The following OOSP4A variants were observed in gnomAD, a reference collection of about 807,000 sequenced individuals.
OOSP4A encodes oocyte-secreted protein 4A.
intron 3 of OOSP4A, 115 bp downstream of exon 3, chr11:59,967,279 T>C (rs547422360): frequency 2.5e-6 from 1 of 392,866 alleles, no homozygotes; most frequent in South Asian, 1.4e-4. Context: ...GGATCAAATC[T>C]GATCTATGGT....
In OOSP4A at chr11:59,965,492, C is replaced by T. The variant is rs111373645; in HGVS notation, c.68-43C>T. 2.4e-3 allele frequency: 966 copies of T among 398,164 alleles called. 11 individuals are homozygous for T. The highest frequency in any genetic ancestry group is 0.016 in the African/African-American group (793 of 48,720). The allele number at this position is 398,164 out of a possible 1,614,324, so 24.7% of individuals were successfully genotyped here. On this transcript the variant is annotated intron_variant, in intron 1 of 4. Transcript: ENST00000645590. Reference sequence around the variant, plus strand: ...CCTGAGTTCTTTGTTTGGGGGCAGACGTACTATTTGATGTTTTCCCTTTTT... The same window carrying T: ...CCTGAGTTCTTTGTTTGGGGGCAGATGTACTATTTGATGTTTTCCCTTTTT...
chr11:59,969,755 G>A (rs1281738468), intron 4 of OOSP4A, among the ~76,000 whole-genome samples: 6 of 152,100 alleles, frequency 3.9e-5, no homozygotes, highest in Admixed American at 3.3e-4. Flanking sequence ...CTTATTCCAC[G>A]TATCAACCGA....
chr11:59,967,033 T>A (rs1160277997), intron 2 of OOSP4A, 34 bp from the exon 3 acceptor site: 4 of 397,392 alleles, frequency 1.0e-5, no homozygotes, highest in Non-Finnish European at 1.8e-5. Context: ...GAAAGAGATA[T>A]AATTAAGATA....
At chr11:59,964,484 G>T (rs1051519057) in intron 1 of OOSP4A, among the ~76,000 whole-genome samples, 4 of 152,082 alleles carry the variant, frequency 2.6e-5, no homozygotes, top group Non-Finnish European at 4.4e-5. Flanking sequence ...ATTTCTGGCC[G>T]TGGGGTATGA....
intron 2 of OOSP4A, 72 bp from the exon 3 acceptor site, chr11:59,966,995 A>G: frequency 2.5e-6 from 1 of 395,118 alleles, no homozygotes; most frequent in Non-Finnish European, 4.5e-6. Flanking sequence ...TTTAATCTAT[A>G]TTTTTAAAAT....
intron 1 of OOSP4A, among the ~76,000 whole-genome samples, chr11:59,965,057 T>C (rs1327248593): frequency 1.4e-5 from 2 of 147,220 alleles, no homozygotes; most frequent in African/African-American, 5.0e-5. Context: ...ATCCAAACAC[T>C]GCATGTTCTC....
At chr11:59,968,978 C>T (rs537748688) in intron 3 of OOSP4A, among the ~76,000 whole-genome samples, 172 bp from the exon 4 acceptor site, 3 of 152,182 alleles carry the variant, frequency 2.0e-5, no homozygotes, top group Non-Finnish European at 4.4e-5. Context: ...AATTTTTTCT[C>T]ATATTCTGTG....
At chr11:59,967,199 T>G (rs1854110074) in intron 3 of OOSP4A, 35 bp downstream of exon 3, 1 of 397,714 alleles carries the variant, frequency 2.5e-6, no homozygotes, top group Admixed American at 4.4e-5. Context: ...TAAGGCTATC[T>G]AATATTATTT....
intron 4 of OOSP4A, among the ~76,000 whole-genome samples, chr11:59,969,704 G>A (rs997372119): frequency 6.6e-6 from 1 of 152,142 alleles, no homozygotes; most frequent in Non-Finnish European, 1.5e-5. Context: ...TATTCAAATA[G>A]GCTATAATCT....
chr11:59,967,966 T>C lies in OOSP4A; in HGVS notation c.344+802T>C, dbSNP rs539294443. 5.4e-4 allele frequency among the ~76,000 whole-genome samples: 83 copies of C among 152,310 alleles called. No homozygotes were observed. In the South Asian group the frequency reaches 0.016, roughly 30 times the overall value. On this transcript the variant is annotated intron_variant, in intron 3 of 4. Coordinates refer to ENST00000645590, the Ensembl canonical transcript of OOSP4A. ...CTGACTTCAATTATACTTGGTGATA[T>C]CTACTTTTCTTATTCATTAACAGCA... is the stretch of plus-strand genomic sequence containing the variant.
chr11:59,964,243 G>T, intron 1 of OOSP4A, 144 bp downstream of exon 1: 1 of 388,576 alleles, frequency 2.6e-6, no homozygotes. Flanking sequence ...TGATCGCAAA[G>T]TTACAGCCAG....
intron 3 of OOSP4A, 38 bp downstream of exon 3, chr11:59,967,202 T>C (rs956070912): frequency 1.0e-5 from 4 of 397,494 alleles, no homozygotes; most frequent in Non-Finnish European, 1.8e-5. Context: ...GGCTATCTAA[T>C]ATTATTTTTG....
rs1854132297 is a variant in OOSP4A at position 59,969,147 on chromosome 11, CAGA to C, written c.345_347del (p.Arg116del). The C allele has an allele frequency of 1.0e-5, 4 of 398,370 alleles. No individual in the cohort carries two copies. Among genetic ancestry groups the C allele is most frequent in the Non-Finnish European group, 1.3e-5 (3 of 225,794 alleles). The allele number at this position is 398,370 out of a possible 1,614,324, so 24.7% of individuals were successfully genotyped here. On this transcript the variant is annotated splice_acceptor_variant and coding_sequence_variant, in exon 4 of 5. Coordinates refer to ENST00000645590, the Ensembl canonical transcript of OOSP4A. LOFTEE classifies it high-confidence loss of function. ...CTTAAATATATTTTTTTCTCTTTTTCAGAAGGTTTCCAATAATCTTAGTAATGA... is the reference window on the plus strand; with the variant it reads ...CTTAAATATATTTTTTTCTCTTTTTCAGGTTTCCAATAATCTTAGTAATGA...
chr11:59,970,113 C>T (rs1275102341), exon 5 of OOSP4A: 1 of 398,026 alleles, frequency 2.5e-6, no homozygotes, highest in Non-Finnish European at 4.4e-6. Flanking sequence ...CAAAGCTGTA[C>T]ATTCTGGATG....
At chr11:59,969,353 T>A (rs1854133811) in intron 4 of OOSP4A, 69 bp downstream of exon 4, 1 of 397,198 alleles carries the variant, frequency 2.5e-6, no homozygotes, top group African/African-American at 2.1e-5. Context: ...CAGGGTTTAG[T>A]AAGGTGGTGG....
At chr11:59,968,421 A>C (rs1854123740) in intron 3 of OOSP4A, among the ~76,000 whole-genome samples, 1 of 152,256 alleles carries the variant, frequency 6.6e-6, no homozygotes, top group Non-Finnish European at 1.5e-5. Context: ...GTAGGCCTCC[A>C]CACAACCTGC....
intron 1 of OOSP4A, among the ~76,000 whole-genome samples, chr11:59,965,155 G>T (rs1223704896): frequency 8.3e-6 from 1 of 120,898 alleles, no homozygotes; most frequent in Middle Eastern, 5.0e-3. Context: ...GTGGGGGAGG[G>T]GGGAGGGGGG....
rs189246487 is a variant in OOSP4A at position 59,969,705 on chromosome 11, G to A, written c.480-344G>A. ...ATGAGCCATAAGAATATTCAAATAGGCTATAATCTTTGGACTTTAGTATGC... is the reference window on the plus strand; with the variant it reads ...ATGAGCCATAAGAATATTCAAATAGACTATAATCTTTGGACTTTAGTATGC... On this transcript the variant is annotated intron_variant, in intron 4 of 4. Coordinates refer to ENST00000645590, the Ensembl canonical transcript of OOSP4A. Among the ~76,000 whole-genome samples the A allele has an allele frequency of 1.2e-3, 189 of 152,210 alleles. 1 individual carries two copies. The Middle Eastern group carries it at 0.027, about 22-fold the overall frequency.
intron 2 of OOSP4A, among the ~76,000 whole-genome samples, chr11:59,966,169 T>G (rs1045725065): frequency 2.0e-5 from 3 of 146,988 alleles, no homozygotes; most frequent in Admixed American, 6.8e-5. Context: ...CCAGAAAACT[T>G]TTTTTTTTTT....
Sources: allele counts gnomAD v4.1 joint callset (sites outside exome capture counted in the v4.1 genomes callset), GRCh38; gene constraint gnomAD v4.1.1; transcripts MANE v1.5; gene names NCBI Gene and HGNC (gene_info 2026-07-23, HGNC 2026-07-21).